Variants in KCNK13 observed in about 807,000 individuals in gnomAD.
The protein encoded by KCNK13 is potassium two pore domain channel subfamily K member 13.
A neutral mutation model predicts 23.4 loss-of-function variants in KCNK13; 12 were observed. The ratio of observed to expected loss-of-function variants is 0.51; its 90% CI spans 0.33 to 0.83. KCNK13 has a LOEUF of 0.83. Ranked by LOEUF, KCNK13 falls within the 40% of genes least tolerant of loss-of-function variation. KCNK13 has a pLI of 0.02. For synonymous variants in KCNK13, 231 were observed against 229.5 expected, an observed-to-expected ratio of 1.01 and a Z score of -0.06; for missense variants, 463 against 556.3, an observed-to-expected ratio of 0.83 and a Z score of 1.69.
At chr14:90,143,949 G>A (rs74361911) in intron 1 of KCNK13, among the ~76,000 whole-genome samples, 2,239 of 152,306 alleles carry the variant, frequency 0.015, 48 homozygotes, top group Non-Finnish European at 0.018. Flanking sequence ...AAGTTAGGTT[G>A]CAGTTTGCTA....
At chr14:90,132,205 C>CTT (rs1338754042) in intron 1 of KCNK13, among the ~76,000 whole-genome samples, 1 of 152,108 alleles carries the variant, frequency 6.6e-6, no homozygotes, top group Non-Finnish European at 1.5e-5. Flanking sequence ...GTGTGTAATT[C>CTT]CATTGATACG....
intron 1 of KCNK13, among the ~76,000 whole-genome samples, chr14:90,143,933 T>C (rs748285766): frequency 9.2e-5 from 14 of 152,242 alleles, no homozygotes; most frequent in Non-Finnish European, 1.5e-4. Context: ...AATTTGTTTA[T>C]GTACTAAGTT....
At chr14:90,110,413 G>A (rs1203968639) in intron 1 of KCNK13, among the ~76,000 whole-genome samples, 4 of 151,570 alleles carry the variant, frequency 2.6e-5, no homozygotes, top group Non-Finnish European at 1.5e-5. Context: ...TCGGGAGGCA[G>A]AAGTTGCAGT....
At chr14:90,084,658 T>C (rs1596770383) in intron 1 of KCNK13, among the ~76,000 whole-genome samples, 1 of 152,342 alleles carries the variant, frequency 6.6e-6, no homozygotes, top group Middle Eastern at 3.4e-3. Flanking sequence ...GAACTCCCAC[T>C]GCAATGTCGA....
At chr14:90,177,649 T>C (rs1692462729) in intron 1 of KCNK13, among the ~76,000 whole-genome samples, 1 of 152,178 alleles carries the variant, frequency 6.6e-6, no homozygotes, top group Non-Finnish European at 1.5e-5. Context: ...TTTTTCTGAC[T>C]CTGGACACTG....
chr14:90,140,444 G>A (rs1889992275), intron 1 of KCNK13, among the ~76,000 whole-genome samples: 1 of 152,152 alleles, frequency 6.6e-6, no homozygotes, highest in African/African-American at 2.4e-5. Context: ...TGGGGGAAGA[G>A]GGAACAAAGG....
chr14:90,157,615 T>A (rs1371506199), intron 1 of KCNK13, among the ~76,000 whole-genome samples: 1 of 151,834 alleles, frequency 6.6e-6, no homozygotes, highest in African/African-American at 2.4e-5. Context: ...CAGGCTGGTC[T>A]CGAACTCCTG....
intron 1 of KCNK13, among the ~76,000 whole-genome samples, chr14:90,087,222 G>A (rs907052234): frequency 3.4e-5 from 5 of 146,812 alleles, no homozygotes; most frequent in Admixed American, 6.9e-5. Context: ...CTGGGCTGAA[G>A]CAATCTGCCT....
chr14:90,166,479 G>T (rs1247909510), intron 1 of KCNK13, among the ~76,000 whole-genome samples: 2 of 152,184 alleles, frequency 1.3e-5, no homozygotes, highest in Non-Finnish European at 2.9e-5. Flanking sequence ...GCTAAGGCGG[G>T]CAGACCACCT....
At chr14:90,128,269 C>T (rs541072453) in intron 1 of KCNK13, among the ~76,000 whole-genome samples, 7 of 152,238 alleles carry the variant, frequency 4.6e-5, no homozygotes, top group Non-Finnish European at 8.8e-5. Flanking sequence ...ATTTTCTAAG[C>T]GGCAATTTAC....
chr14:90,092,408 T>C (rs1889359221), intron 1 of KCNK13, among the ~76,000 whole-genome samples: 1 of 152,102 alleles, frequency 6.6e-6, no homozygotes, highest in African/African-American at 2.4e-5. Context: ...GGCTTTGTCA[T>C]GGGGAAAATG....
intron 1 of KCNK13, among the ~76,000 whole-genome samples, chr14:90,148,972 T>A (rs1378291464): frequency 6.6e-6 from 1 of 152,178 alleles, no homozygotes; most frequent in Admixed American, 6.5e-5. Flanking sequence ...GAAAGATGAA[T>A]GAGGTCAGGA....
intron 1 of KCNK13, among the ~76,000 whole-genome samples, chr14:90,080,477 T>A (rs55657487): frequency 0.14 from 20,735 of 151,610 alleles, 1,720 homozygotes; most frequent in South Asian, 0.26. Flanking sequence ...TAAATACATT[T>A]AAAAAATTGG....
intron 1 of KCNK13, among the ~76,000 whole-genome samples, chr14:90,172,033 G>A (rs1430063049): frequency 6.6e-6 from 1 of 152,112 alleles, no homozygotes; most frequent in Non-Finnish European, 1.5e-5. Context: ...AGTTATAGAA[G>A]GGGCCAGGCG....
At position 90,161,809 on chromosome 14, in the gene KCNK13, G is replaced by C. The variant is rs139174783; in HGVS notation, c.335-22302G>C. Among the ~76,000 whole-genome samples the C allele has an allele frequency of 1.9e-3, 285 of 152,234 alleles. 1 individual carries two copies. The highest frequency in any genetic ancestry group is 6.5e-3 in the African/African-American group (272 of 41,538). On this transcript the variant is annotated intron_variant, in intron 1 of 1. Coordinates refer to ENST00000282146, the MANE Select transcript of KCNK13 (RefSeq NM_022054.4). The stretch of plus-strand genomic sequence containing the variant: ...AAAATTGAACATGAAATAAGCAAGG[G>C]CATCTTTGAAAACAAAAAGGGAAAA...
intron 1 of KCNK13, among the ~76,000 whole-genome samples, chr14:90,146,342 AT>A (rs1236527750): frequency 6.6e-6 from 1 of 151,854 alleles, no homozygotes; most frequent in Non-Finnish European, 1.5e-5. Context: ...TGGGGGGGCA[AT>A]CTCGCTCTGT....
chr14:90,168,504 C>T (rs573269197), intron 1 of KCNK13, among the ~76,000 whole-genome samples: 1 of 152,242 alleles, frequency 6.6e-6, no homozygotes, highest in Admixed American at 6.5e-5. Flanking sequence ...TGTTGCCTTC[C>T]ACAAACCAAC....
intron 1 of KCNK13, among the ~76,000 whole-genome samples, chr14:90,140,972 C>G (rs1889998861): frequency 6.6e-6 from 1 of 152,208 alleles, no homozygotes; most frequent in Admixed American, 6.5e-5. Context: ...TGTTTCTCAG[C>G]TGACCAATTT....
At chr14:90,108,275 G>A (rs1889570574) in intron 1 of KCNK13, among the ~76,000 whole-genome samples, 1 of 152,010 alleles carries the variant, frequency 6.6e-6, no homozygotes, top group African/African-American at 2.4e-5. Flanking sequence ...TTTCTCTTTG[G>A]CACGCGTTTC....
Sources: allele counts gnomAD v4.1 joint callset (sites outside exome capture counted in the v4.1 genomes callset), GRCh38; gene constraint gnomAD v4.1.1; transcripts MANE v1.5; gene names NCBI Gene and HGNC (gene_info 2026-07-23, HGNC 2026-07-21).